PCSK6: variants seen among roughly 807,000 people sequenced by gnomAD.
PCSK6 encodes the protein proprotein convertase subtilisin/kexin type 6.
PCSK6 carries 85 observed loss-of-function variants against 123.3 expected under a neutral mutation model. The observed-to-expected ratio is 0.69, with a 90% CI of 0.58 to 0.83. PCSK6 has a LOEUF of 0.83. PCSK6 is among the 40% of genes least tolerant of loss of function. The pLI, the probability that PCSK6 is intolerant of heterozygous loss-of-function variation, is 0.00. For synonymous variants in PCSK6, 508 were observed against 516.0 expected (o/e 0.98, Z 0.21); for missense variants, 1,191 against 1,282.3 (o/e 0.93, Z 1.09).
intron 6 of PCSK6, among the ~76,000 whole-genome samples, chr15:101,399,471 TTCC>T (rs1291564614): frequency 6.6e-6 from 1 of 152,116 alleles, no homozygotes; most frequent in Non-Finnish European, 1.5e-5. Flanking sequence ...AGAGTCCAGC[TTCC>T]TCGAGAGCAC....
At chr15:101,306,993 CCT>C (rs1376159712) in intron 21 of PCSK6, among the ~76,000 whole-genome samples, 1 of 152,196 alleles carries the variant, frequency 6.6e-6, no homozygotes, top group Non-Finnish European at 1.5e-5. Context: ...GGCTGGGATG[CCT>C]CTCTGATCGA....
chr15:101,381,266 A>G (rs1037389066), intron 11 of PCSK6, among the ~76,000 whole-genome samples: 11 of 152,118 alleles, frequency 7.2e-5, no homozygotes, highest in Middle Eastern at 3.2e-3. Flanking sequence ...CGGGAGGCTG[A>G]GGCAGGAAGA....
At chr15:101,332,912 C>G (rs1290451430) in intron 13 of PCSK6, among the ~76,000 whole-genome samples, 3 of 152,112 alleles carry the variant, frequency 2.0e-5, no homozygotes, top group Non-Finnish European at 4.4e-5. Flanking sequence ...ATAAACAGTC[C>G]CCAATTTATG....
chr15:101,417,353 T>C (rs547825779), intron 6 of PCSK6, among the ~76,000 whole-genome samples: 7 of 152,322 alleles, frequency 4.6e-5, no homozygotes, highest in Admixed American at 1.3e-4. Flanking sequence ...CAAACACCCA[T>C]TGGCATATTC....
chr15:101,325,845 TC>T (rs1367966685), intron 16 of PCSK6, among the ~76,000 whole-genome samples: 1 of 152,132 alleles, frequency 6.6e-6, no homozygotes, highest in Non-Finnish European at 1.5e-5. Flanking sequence ...ATACGTGGGG[TC>T]CCAGGTCAGA....
chr15:101,306,782 C>T lies in PCSK6; in HGVS notation c.2812+431G>A, dbSNP rs995525603. Among the ~76,000 whole-genome samples, 3 of 152,238 alleles carry T rather than the reference C, an allele frequency of 2.0e-5. No individual in the cohort carries two copies. In the East Asian group the frequency reaches 5.8e-4, roughly 29 times the overall value. Reference sequence around the variant, plus strand: ...CCCTGCAGAGCTGGGATTGCTGCTGCTGAGCGTGTGCTCTACTCTGGGCTC... The same window carrying T: ...CCCTGCAGAGCTGGGATTGCTGCTGTTGAGCGTGTGCTCTACTCTGGGCTC... On this transcript the variant is annotated intron_variant, in intron 21 of 21. Transcript: ENST00000611716.
At chr15:101,412,712 T>TATATATATATATATATA (rs376981204) in intron 6 of PCSK6, among the ~76,000 whole-genome samples, 1 of 136,364 alleles carries the variant, frequency 7.3e-6, no homozygotes, top group Non-Finnish European at 1.5e-5. Flanking sequence ...TATATATATA[T>TATATATATATATATATA]AAAATTACCC....
intron 12 of PCSK6, among the ~76,000 whole-genome samples, chr15:101,369,801 G>A (rs2041521196): frequency 6.6e-6 from 1 of 152,206 alleles, no homozygotes; most frequent in African/African-American, 2.4e-5. Context: ...CGCAAGAGAA[G>A]TTGGCAGAGA....
intron 1 of PCSK6, among the ~76,000 whole-genome samples, chr15:101,466,453 T>C (rs1225823901): frequency 6.6e-6 from 1 of 152,130 alleles, no homozygotes; most frequent in African/African-American, 2.4e-5. Context: ...CTCAGAAATG[T>C]AAACATAGAG....
At chr15:101,388,566 C>T (rs2042136980) in intron 9 of PCSK6, among the ~76,000 whole-genome samples, 1 of 152,180 alleles carries the variant, frequency 6.6e-6, no homozygotes, top group African/African-American at 2.4e-5. Flanking sequence ...AAAAGGAAGC[C>T]AGCGCAACCT....
chr15:101,416,627 G>A (rs1325610820), intron 6 of PCSK6, among the ~76,000 whole-genome samples: 2 of 152,246 alleles, frequency 1.3e-5, no homozygotes, highest in Non-Finnish European at 2.9e-5. Context: ...AGGCCCAGGA[G>A]GAAAAAGTGG....
Position 101,331,694 on chromosome 15 carries a change from G to A in PCSK6, c.2039-5C>T. The A allele has an allele frequency of 1.2e-6, 2 of 1,612,888 alleles. No individual in the cohort carries two copies. Among genetic ancestry groups the A allele is most frequent in the Non-Finnish European group, 1.7e-6 (2 of 1,179,484 alleles). ...CAGAGCCTGGGGTGGATTGAGCTGT[G>A]TGAGTGCAAATTGCCATGATTATTA... On this transcript the variant is annotated splice_region_variant and splice_polypyrimidine_tract_variant and intron_variant, in intron 14 of 21. Coordinates refer to ENST00000611716, the MANE Select transcript of PCSK6 (RefSeq NM_002570.5).
At chr15:101,316,852 G>T (rs1380654152) in intron 19 of PCSK6, among the ~76,000 whole-genome samples, 3 of 151,598 alleles carry the variant, frequency 2.0e-5, no homozygotes, top group East Asian at 3.9e-4. Flanking sequence ...TGCCCATTCT[G>T]CAGGATTTCT....
rs764226144 is a variant in PCSK6, at chr15:101,305,319, C to G, written c.2849G>C (p.Arg950Pro). 1 of 1,612,720 alleles carries G rather than the reference C, an allele frequency of 6.2e-7. No homozygotes were observed. Among genetic ancestry groups the G allele is most frequent in the Non-Finnish European group, 8.5e-7 (1 of 1,179,804 alleles). ...AATGAAGAGCTTCCGTTCGCACAGC[C>G]GGTTGGACTTCACCATCTCGCAGAA... ...ETFCEMVKSN[R>P]LCERKLFIQF... Residue 950 changes from arginine to proline, a missense_variant, in exon 22 of 22, where the codon CGG becomes CCG. Coordinates refer to ENST00000611716, the MANE Select transcript of PCSK6 (RefSeq NM_002570.5). The surrounding 1 kb of genome is among the most constrained non-coding windows in gnomAD (Gnocchi z 4.8).
At chr15:101,400,937 C>G (rs2042568365) in intron 6 of PCSK6, among the ~76,000 whole-genome samples, 1 of 152,130 alleles carries the variant, frequency 6.6e-6, no homozygotes, top group East Asian at 1.9e-4. Flanking sequence ...AATATATGCC[C>G]TGAAATTTCC....
intron 7 of PCSK6, among the ~76,000 whole-genome samples, chr15:101,396,958 A>G (rs563898775): frequency 2.0e-5 from 3 of 152,146 alleles, no homozygotes; most frequent in East Asian, 3.9e-4. Context: ...CAGGCATTCA[A>G]GACCTGAGTG....
chr15:101,353,725 A>T (rs547676111), intron 13 of PCSK6, among the ~76,000 whole-genome samples: 1 of 152,236 alleles, frequency 6.6e-6, no homozygotes, highest in African/African-American at 2.4e-5. Flanking sequence ...GGCTAAAGAG[A>T]TCAGATCAAC....
chr15:101,347,949 G>A (rs2040779532), intron 13 of PCSK6, among the ~76,000 whole-genome samples: 1 of 152,238 alleles, frequency 6.6e-6, no homozygotes, highest in Non-Finnish European at 1.5e-5. Context: ...TGGTTGCTTA[G>A]CTGGGGGAAG....
chr15:101,419,995 T>C (rs1258744147), intron 6 of PCSK6, among the ~76,000 whole-genome samples: 3 of 151,988 alleles, frequency 2.0e-5, no homozygotes, highest in African/African-American at 7.3e-5. Context: ...GAGATCAGCC[T>C]GGCCAACATA....
Sources: gnomAD v4.1 joint callset for allele counts (sites outside exome capture counted in the v4.1 genomes callset) on GRCh38, gnomAD v4.1.1 for gene constraint, Gnocchi (gnomAD v3.1) non-coding constraint, MANE v1.5 for transcripts, NCBI Gene and HGNC (gene_info 2026-07-23, HGNC 2026-07-21) for gene names.